The following DGKB variants were observed in gnomAD, a reference collection of about 807,000 sequenced individuals.
The protein encoded by DGKB is diacylglycerol kinase beta, also known as 90 kDa diacylglycerol kinase.
DGKB carries 67 observed loss-of-function variants against 114.3 expected under a neutral mutation model. That is an observed-to-expected ratio of 0.59 (90% CI 0.48 to 0.72). The LOEUF (loss-of-function observed/expected upper bound fraction) is 0.72, where lower values mean the gene tolerates loss of function less well. DGKB is among the 30% of genes least tolerant of loss of function. The pLI, the probability that DGKB is intolerant of heterozygous loss-of-function variation, is 0.00. For synonymous variants in DGKB, 398 were observed against 323.1 expected (o/e 1.23, Z -2.49); for missense variants, 907 against 975.2 (o/e 0.93, Z 0.93).
chr7:14,971,279 A>G (rs1471104257), intron 1 of DGKB, among the ~76,000 whole-genome samples: 1 of 152,178 alleles, frequency 6.6e-6, no homozygotes, highest in African/African-American at 2.4e-5. Context: ...AGTCATAAAT[A>G]AATATATTTC....
At chr7:14,709,013 T>G (rs775628170) in intron 6 of DGKB, among the ~76,000 whole-genome samples, 3,128 of 147,356 alleles carry the variant, frequency 0.021, 117 homozygotes, top group African/African-American at 0.076. Flanking sequence ...GAAACTACCA[T>G]CAGAGTGAAC....
At chr7:14,652,198 C>A (rs1028193353) in intron 13 of DGKB, among the ~76,000 whole-genome samples, 1 of 150,690 alleles carries the variant, frequency 6.6e-6, no homozygotes, top group African/African-American at 2.4e-5. Flanking sequence ...CCAAGTCAAT[C>A]CTAAGCCAAA....
intron 5 of DGKB, among the ~76,000 whole-genome samples, chr7:14,734,020 CGTGTGT>C (rs71004332): frequency 4.0e-5 from 6 of 148,184 alleles, no homozygotes; most frequent in Non-Finnish European, 7.5e-5. Context: ...TATACCAACA[CGTGTGT>C]GTGTGTGTGT....
chr7:14,260,716 C>G (rs1243192038), intron 23 of DGKB, among the ~76,000 whole-genome samples: 1 of 152,082 alleles, frequency 6.6e-6, no homozygotes, highest in Non-Finnish European at 1.5e-5. Context: ...TTTAGCAACC[C>G]TTTTGGTTTA....
At chr7:14,892,884 G>GTGTA (rs1781481798) in intron 1 of DGKB, among the ~76,000 whole-genome samples, 1 of 149,170 alleles carries the variant, frequency 6.7e-6, no homozygotes, top group East Asian at 2.0e-4. Flanking sequence ...GTGTGTGTGT[G>GTGTA]TGTATACACA....
intron 21 of DGKB, among the ~76,000 whole-genome samples, chr7:14,422,602 T>G (rs1458584862): frequency 6.6e-6 from 1 of 151,994 alleles, no homozygotes; most frequent in Non-Finnish European, 1.5e-5. Context: ...TTTATATTAT[T>G]TTATTTGATA....
At chr7:14,586,662 G>A (rs141291186) in intron 17 of DGKB, among the ~76,000 whole-genome samples, 1 of 152,174 alleles carries the variant, frequency 6.6e-6, no homozygotes, top group East Asian at 1.9e-4. Context: ...CCTGTTAGGG[G>A]CTAATGAGGC....
intron 21 of DGKB, among the ~76,000 whole-genome samples, chr7:14,398,927 C>G (rs763402460): frequency 6.6e-6 from 1 of 151,804 alleles, no homozygotes; most frequent in South Asian, 2.1e-4. Flanking sequence ...AGGGGCTGCT[C>G]GAATGCAACC....
At chr7:14,448,066 T>G (rs1830970571) in intron 21 of DGKB, among the ~76,000 whole-genome samples, 1 of 152,082 alleles carries the variant, frequency 6.6e-6, no homozygotes, top group South Asian at 2.1e-4. Context: ...TCATTCTCCA[T>G]AAATTTATTG....
chr7:14,477,964 C>G (rs1226986627), intron 21 of DGKB, among the ~76,000 whole-genome samples, 197 bp downstream of exon 21: 1 of 151,948 alleles, frequency 6.6e-6, no homozygotes, highest in Non-Finnish European at 1.5e-5. Context: ...TTGCATTCCT[C>G]ATTATAGTTT....
At chr7:14,800,067 C>T (rs1027875832) in intron 2 of DGKB, among the ~76,000 whole-genome samples, 3 of 152,108 alleles carry the variant, frequency 2.0e-5, no homozygotes, top group African/African-American at 7.2e-5. Flanking sequence ...CAGGTGTACA[C>T]CACCGCGCCT....
intron 1 of DGKB, among the ~76,000 whole-genome samples, chr7:14,910,314 G>T (rs111437524): frequency 7.6e-6 from 1 of 132,250 alleles, no homozygotes; most frequent in East Asian, 2.2e-4. Flanking sequence ...AAGAAAGAAA[G>T]AACCTTATAT....
chr7:14,967,164 T>C (rs1186678361), intron 1 of DGKB, among the ~76,000 whole-genome samples: 1 of 152,168 alleles, frequency 6.6e-6, no homozygotes, highest in Non-Finnish European at 1.5e-5. Flanking sequence ...AATTTTTTAC[T>C]TGAAAGACGG....
chr7:14,308,486 T>A (rs2128500800), intron 23 of DGKB, among the ~76,000 whole-genome samples: 1 of 152,284 alleles, frequency 6.6e-6, no homozygotes, highest in Admixed American at 6.5e-5. Flanking sequence ...ACAAATGAAA[T>A]TTTTCTTTTA....
intron 13 of DGKB, among the ~76,000 whole-genome samples, chr7:14,639,964 G>A (rs1811437356): frequency 6.6e-6 from 1 of 152,018 alleles, no homozygotes; most frequent in Non-Finnish European, 1.5e-5. Context: ...GTGACACAGT[G>A]GGTGTTATCT....
intron 20 of DGKB, among the ~76,000 whole-genome samples, chr7:14,540,669 T>G (rs887272894): frequency 3.9e-5 from 6 of 152,186 alleles, no homozygotes; most frequent in Non-Finnish European, 8.8e-5. Flanking sequence ...GTGGTTTTAT[T>G]TTTTCATTAC....
At chr7:14,405,972 G>A (rs1181943909) in intron 21 of DGKB, among the ~76,000 whole-genome samples, 1 of 151,990 alleles carries the variant, frequency 6.6e-6, no homozygotes, top group Admixed American at 6.6e-5. Context: ...ACTATCTTTA[G>A]CTTGAAGGAG....
intron 1 of DGKB, among the ~76,000 whole-genome samples, chr7:14,868,762 T>A (rs905993931): frequency 9.2e-5 from 14 of 152,178 alleles, no homozygotes; most frequent in Non-Finnish European, 2.1e-4. Flanking sequence ...ATTTTCCTTC[T>A]TAACTATAAT....
intron 21 of DGKB, among the ~76,000 whole-genome samples, chr7:14,381,101 G>T (rs982745959): frequency 2.0e-5 from 3 of 152,186 alleles, no homozygotes; most frequent in Non-Finnish European, 2.9e-5. Context: ...CATTGGCTGA[G>T]AGCTCAGGGG....
Sources: allele counts gnomAD v4.1 joint callset (sites outside exome capture counted in the v4.1 genomes callset), GRCh38; gene constraint gnomAD v4.1.1; transcripts MANE v1.5; gene names NCBI Gene and HGNC (gene_info 2026-07-23, HGNC 2026-07-21).